The following CYP20A1 variants were observed in gnomAD, a reference collection of about 807,000 sequenced individuals.
CYP20A1 encodes cytochrome P450 family 20 subfamily A member 1.
Under a neutral mutation model 61.4 loss-of-function variants are expected in CYP20A1, and 61 were observed. That is an observed-to-expected ratio of 0.99 (90% CI 0.81 to 1.23). CYP20A1 has a LOEUF of 1.23. Among genes scored for constraint, CYP20A1 ranks in the 50% most tolerant of loss-of-function variants. CYP20A1 has a pLI of 0.00. For missense variants in CYP20A1, 530 were observed against 542.4 expected, an observed-to-expected ratio of 0.98 and a Z score of 0.23; for synonymous variants, 193 against 188.2, an observed-to-expected ratio of 1.03 and a Z score of -0.21.
chr2:203,249,136 C>T (rs555499318), intron 3 of CYP20A1, among the ~76,000 whole-genome samples: 1 of 152,182 alleles, frequency 6.6e-6, no homozygotes, highest in South Asian at 2.1e-4. Flanking sequence ...GTAGATAAAC[C>T]TCTTACAATG....
chr2:203,287,802 AC>A (rs1274716848), intron 9 of CYP20A1, among the ~76,000 whole-genome samples: 2 of 152,122 alleles, frequency 1.3e-5, no homozygotes, highest in African/African-American at 2.4e-5. Context: ...CCTTATCCTC[AC>A]TTGTGCCTCT....
rs1470849764 is a variant in CYP20A1, at chr2:203,239,025, C to T, written c.-38C>T. 9 of 1,586,854 alleles carry T rather than the reference C, an allele frequency of 5.7e-6. No homozygotes were observed. Among genetic ancestry groups the T allele is most frequent in the South Asian group, 2.2e-5 (2 of 90,564 alleles). On this transcript the variant is annotated 5_prime_UTR_variant, in exon 1 of 13. Transcript: ENST00000356079. The stretch of plus-strand genomic sequence containing the variant: ...CCAGGCTGAGGCGCTGCTGCTGGAG[C>T]GGCCGATCCGAGACGTGGCTCCCTG...
Position 203,262,445 on chromosome 2 carries a change from T to A in CYP20A1, c.433-4069T>A, listed in dbSNP as rs190452449. On this transcript the variant is annotated intron_variant, in intron 4 of 12. Coordinates refer to ENST00000356079, the MANE Select transcript of CYP20A1 (RefSeq NM_177538.3). ...ACTGATATAGTGTCTTCGAATTTTG[T>A]TAAATTTTTTTACATGAACCAACTT... Among the ~76,000 whole-genome samples, 204 of 152,304 alleles carry A rather than the reference T, an allele frequency of 1.3e-3. 1 individual carries two copies. The highest frequency in any genetic ancestry group is 4.8e-3 in the African/African-American group (199 of 41,590).
intron 1 of CYP20A1, among the ~76,000 whole-genome samples, chr2:203,243,903 T>A (rs895225395): frequency 2.0e-5 from 3 of 151,994 alleles, no homozygotes; most frequent in Admixed American, 2.0e-4. Context: ...TTGCACAAGC[T>A]GGTCTCAAAC....
At chr2:203,278,854 A>T (rs1001350526) in intron 7 of CYP20A1, among the ~76,000 whole-genome samples, 166 bp downstream of exon 7, 1 of 152,226 alleles carries the variant, frequency 6.6e-6, no homozygotes, top group Non-Finnish European at 1.5e-5. Flanking sequence ...ATCTATAAAA[A>T]ATAATGATAA....
At chr2:203,251,817 A>ATATATATGTGTATATATAT (rs34111991) in intron 3 of CYP20A1, 150 bp from the exon 4 acceptor site, 1 of 95,312 alleles carries the variant, frequency 1.0e-5, no homozygotes, top group Non-Finnish European at 2.2e-5. Flanking sequence ...ATATATATAT[A>ATATATATGTGTATATATAT]AAAAATAAAA....
chr2:203,250,726 T>C (rs1219367514), intron 3 of CYP20A1, among the ~76,000 whole-genome samples: 2 of 152,186 alleles, frequency 1.3e-5, no homozygotes, highest in Admixed American at 1.3e-4. Context: ...ATGTAGTTCT[T>C]TGTGAAATCT....
chr2:203,296,789 A>G lies in CYP20A1; in HGVS notation c.1270A>G (p.Ser424Gly), dbSNP rs754535955. 6 of 1,603,432 alleles carry G rather than the reference A, an allele frequency of 3.7e-6. No homozygotes were observed. The highest frequency in any genetic ancestry group is 5.1e-6 in the Non-Finnish European group (6 of 1,176,972). Residue 424 changes from serine (S) to glycine (G), a missense_variant, in exon 13 of 13, where the codon AGT (serine) becomes GGT (glycine). Coordinates refer to ENST00000356079, the MANE Select transcript of CYP20A1 (RefSeq NM_177538.3). ...FAYMVTTVLL[S>G]VLVKRLHLLS... is the part of the protein sequence containing the mutation. Reference sequence around the variant, plus strand: ...ATATATGGTGACCACAGTACTTCTTAGTGTATTGGTGAAGAGACTGCACCT... The same window carrying G: ...ATATATGGTGACCACAGTACTTCTTGGTGTATTGGTGAAGAGACTGCACCT...
intron 4 of CYP20A1, among the ~76,000 whole-genome samples, chr2:203,261,639 T>C (rs908092852): frequency 1.4e-5 from 2 of 138,530 alleles, no homozygotes; most frequent in South Asian, 2.4e-4. Context: ...ATAGCAGATA[T>C]ATGGAACAGT....
intron 6 of CYP20A1, among the ~76,000 whole-genome samples, chr2:203,275,880 A>G (rs2067799558): frequency 6.6e-6 from 1 of 152,252 alleles, no homozygotes; most frequent in Non-Finnish European, 1.5e-5. Flanking sequence ...ACCACATTCT[A>G]GTGGGAAGAG....
chr2:203,285,567 A>C, intron 8 of CYP20A1, 45 bp from the exon 9 acceptor site: 1 of 1,488,872 alleles, frequency 6.7e-7, no homozygotes, highest in Non-Finnish European at 8.9e-7. Flanking sequence ...TACCCAAGCC[A>C]TGAGTTAGCT....
intron 6 of CYP20A1, among the ~76,000 whole-genome samples, chr2:203,275,459 G>C (rs2067777418): frequency 6.6e-6 from 1 of 150,414 alleles, no homozygotes; most frequent in Admixed American, 6.6e-5. Flanking sequence ...TTTTGAGACT[G>C]AATCTCGCTC....
In CYP20A1 at chr2:203,285,742, C is replaced by T; in HGVS notation, c.971+10C>T. 6.4e-7 allele frequency: 1 copy of T among 1,553,782 alleles called. No individual in the cohort carries two copies. Among genetic ancestry groups the T allele is most frequent in the Non-Finnish European group, 8.6e-7 (1 of 1,161,044 alleles). On this transcript the variant is annotated intron_variant, in intron 9 of 12. Coordinates refer to ENST00000356079, the MANE Select transcript of CYP20A1 (RefSeq NM_177538.3). The stretch of plus-strand genomic sequence containing the variant: ...AAATTGAGCAGCTCAGGTAAGAACA[C>T]AATAAAAAGAGGAGATTATTAAAAG...
At chr2:203,283,594 G>A (rs2068136886) in intron 8 of CYP20A1, among the ~76,000 whole-genome samples, 1 of 148,150 alleles carries the variant, frequency 6.7e-6, no homozygotes, top group African/African-American at 2.5e-5. Context: ...CTGTCACCAG[G>A]CTGGAGTGCA....
At chr2:203,291,518 A>T (rs576840455) in intron 10 of CYP20A1, among the ~76,000 whole-genome samples, 1 of 152,146 alleles carries the variant, frequency 6.6e-6, no homozygotes, top group African/African-American at 2.4e-5. Flanking sequence ...ACATATATTA[A>T]CAGTTTGTGT....
chr2:203,266,426 T>C (rs1002399243), intron 4 of CYP20A1, 88 bp from the exon 5 acceptor site: 36 of 1,185,128 alleles, frequency 3.0e-5, no homozygotes, highest in Non-Finnish European at 4.1e-5. Flanking sequence ...AGTTTAACTG[T>C]TTGCCATTAA....
chr2:203,255,353 C>T (rs2066856327), intron 4 of CYP20A1, among the ~76,000 whole-genome samples: 1 of 152,268 alleles, frequency 6.6e-6, no homozygotes, highest in Admixed American at 6.5e-5. Context: ...TATTAAATAG[C>T]AAGATCTAAT....
chr2:203,243,685 CTTTTTTTTTTTT>C (rs36041824), intron 1 of CYP20A1, among the ~76,000 whole-genome samples: 1 of 75,576 alleles, frequency 1.3e-5, no homozygotes, highest in African/African-American at 4.9e-5. Flanking sequence ...CGCCTGGCCT[CTTTTTTTTTTTT>C]TTTTTTTTTT....
rs1157186306 is a variant in CYP20A1 at position 203,301,606 on chromosome 2, C to A, written c.*4698C>A. Reference sequence around the variant, plus strand: ...TTTTTTATGAACTAAAGAGCTCTCTCAAACTTGTGCTAACAAAATTTAAGG... The same window carrying A: ...TTTTTTATGAACTAAAGAGCTCTCTAAAACTTGTGCTAACAAAATTTAAGG... On this transcript the variant is annotated 3_prime_UTR_variant, in exon 13 of 13. Coordinates refer to ENST00000356079, the MANE Select transcript of CYP20A1 (RefSeq NM_177538.3). Among the ~76,000 whole-genome samples the A allele has an allele frequency of 6.6e-6, 1 of 152,028 alleles. No homozygotes were observed. The highest frequency in any genetic ancestry group is 1.5e-5 in the Non-Finnish European group (1 of 68,014).
Sources: gnomAD v4.1 joint callset for allele counts (sites outside exome capture counted in the v4.1 genomes callset) on GRCh38, gnomAD v4.1.1 for gene constraint, MANE v1.5 for transcripts, NCBI Gene and HGNC (gene_info 2026-07-23, HGNC 2026-07-21) for gene names.